The following PTPRD variants were observed in gnomAD, a reference collection of about 807,000 sequenced individuals.
The protein encoded by PTPRD is receptor-type tyrosine-protein phosphatase delta.
In PTPRD, 34 loss-of-function variants were observed where a neutral mutation model predicts 214.5. That is an observed-to-expected ratio of 0.16 (90% CI 0.12 to 0.21). The LOEUF is 0.21. Among genes scored for constraint, PTPRD ranks in the 10% least tolerant of loss-of-function variants. The pLI, the probability that PTPRD is intolerant of heterozygous loss-of-function variation, is 1.00. For missense variants in PTPRD, 2,545 were observed against 2,398.7 expected (o/e 1.06, Z -1.27); for synonymous variants, 1,128 against 845.7 (o/e 1.33, Z -5.79).
intron 9 of PTPRD, among the ~76,000 whole-genome samples, chr9:9,366,437 T>C (rs1010062549): frequency 1.8e-4 from 27 of 151,636 alleles, no homozygotes; most frequent in African/African-American, 5.5e-4. Flanking sequence ...GTAAATTTTA[T>C]TGAAGAGAAA....
Position 10,279,258 on chromosome 9 carries a change from A to G in PTPRD, c.-545+61705T>C, listed in dbSNP as rs544402028. 3.7e-4 allele frequency among the ~76,000 whole-genome samples: 56 copies of G among 152,302 alleles called. No homozygotes were observed. In the South Asian group the frequency reaches 9.5e-3, roughly 26 times the overall value. Reference sequence around the variant, plus strand: ...TATAGCAGAGCTTAACTGAAAAAATATTGAATGTAGAAAATGAGGAAAAAA... The same window carrying G: ...TATAGCAGAGCTTAACTGAAAAAATGTTGAATGTAGAAAATGAGGAAAAAA... On this transcript the variant is annotated intron_variant, in intron 3 of 45. Coordinates refer to ENST00000381196, the MANE Select transcript of PTPRD (RefSeq NM_002839.4).
chr9:10,316,791 G>A (rs572337471), intron 3 of PTPRD, among the ~76,000 whole-genome samples: 2 of 151,864 alleles, frequency 1.3e-5, no homozygotes, highest in South Asian at 2.1e-4. Flanking sequence ...TTTTAGCATT[G>A]CAGCCAGAAT....
intron 11 of PTPRD, among the ~76,000 whole-genome samples, chr9:8,927,451 A>G (rs973242992): frequency 1.3e-5 from 2 of 152,130 alleles, no homozygotes; most frequent in African/African-American, 4.8e-5. Context: ...GAGTGAGAAC[A>G]TGTGGTGTTT....
At chr9:9,476,726 ATTTTTAT>A (rs1402592064) in intron 8 of PTPRD, among the ~76,000 whole-genome samples, 13 of 152,120 alleles carry the variant, frequency 8.5e-5, no homozygotes, top group African/African-American at 2.6e-4. Flanking sequence ...CAAAGCACTG[ATTTTTAT>A]TTTTTATTTT....
chr9:10,586,669 A>G (rs1215245705), intron 2 of PTPRD, among the ~76,000 whole-genome samples: 1 of 152,134 alleles, frequency 6.6e-6, no homozygotes, highest in Admixed American at 6.5e-5. Flanking sequence ...AGCAATGACT[A>G]AAGTGCCGAG....
At chr9:8,648,868 C>T (rs773057558) in intron 12 of PTPRD, among the ~76,000 whole-genome samples, 3 of 152,328 alleles carry the variant, frequency 2.0e-5, no homozygotes, top group Middle Eastern at 3.4e-3. Context: ...GTTTTCAAAG[C>T]AGATTCATTT....
At chr9:9,956,184 C>A (rs1000769148) in intron 4 of PTPRD, among the ~76,000 whole-genome samples, 7 of 151,130 alleles carry the variant, frequency 4.6e-5, no homozygotes, top group African/African-American at 1.7e-4. Context: ...TTTTTCTTCC[C>A]ATCAAATTAT....
At chr9:8,449,908 G>A (rs1326248257) in intron 33 of PTPRD, 71 bp from the exon 34 acceptor site, 2 of 1,416,726 alleles carry the variant, frequency 1.4e-6, no homozygotes, top group Middle Eastern at 2.4e-4. Flanking sequence ...GCAGAGAATT[G>A]CACCTGCACT....
At chr9:8,351,660 T>C (rs1219579049) in intron 39 of PTPRD, among the ~76,000 whole-genome samples, 1 of 147,238 alleles carries the variant, frequency 6.8e-6, no homozygotes, top group Non-Finnish European at 1.5e-5. Flanking sequence ...TCCTGCCATC[T>C]GGTGCTGGCT....
At chr9:9,520,287 TTA>T (rs1219816693) in intron 8 of PTPRD, among the ~76,000 whole-genome samples, 7 of 76,030 alleles carry the variant, frequency 9.2e-5, no homozygotes, top group Admixed American at 6.6e-4. Flanking sequence ...ATATATTAAG[TTA>T]TATATATATA....
At chr9:10,447,329 C>T (rs545449667) in intron 2 of PTPRD, among the ~76,000 whole-genome samples, 5 of 152,038 alleles carry the variant, frequency 3.3e-5, no homozygotes, top group African/African-American at 4.8e-5. Flanking sequence ...AGGTTAACCA[C>T]GTCCTCTGTC....
chr9:10,432,098 T>C (rs960062208), intron 2 of PTPRD, among the ~76,000 whole-genome samples: 6 of 151,786 alleles, frequency 4.0e-5, no homozygotes, highest in African/African-American at 9.7e-5. Flanking sequence ...TGGAATACTA[T>C]GCAGCCATAA....
chr9:9,112,361 CT>C, intron 10 of PTPRD, among the ~76,000 whole-genome samples: 1 of 152,116 alleles, frequency 6.6e-6, no homozygotes, highest in East Asian at 1.9e-4. Context: ...TAATTTTCCC[CT>C]CCTCTCCAGC....
At chr9:8,854,455 T>C (rs1015482027) in intron 11 of PTPRD, among the ~76,000 whole-genome samples, 3 of 152,188 alleles carry the variant, frequency 2.0e-5, no homozygotes, top group Non-Finnish European at 4.4e-5. Context: ...CTTTTAAAAA[T>C]AGAATTGTCC....
chr9:9,611,155 T>C (rs1357745233), intron 7 of PTPRD, among the ~76,000 whole-genome samples: 1 of 152,212 alleles, frequency 6.6e-6, no homozygotes, highest in Non-Finnish European at 1.5e-5. Flanking sequence ...CTGTTGAATA[T>C]TTAGGTTGTC....
chr9:9,453,920 T>C (rs897384259), intron 8 of PTPRD, among the ~76,000 whole-genome samples: 7 of 151,732 alleles, frequency 4.6e-5, no homozygotes, highest in Admixed American at 1.3e-4. Flanking sequence ...TATATTACTC[T>C]ACATGAGATC....
chr9:9,208,239 C>G (rs531118327), intron 9 of PTPRD, among the ~76,000 whole-genome samples: 6 of 151,632 alleles, frequency 4.0e-5, no homozygotes, highest in Non-Finnish European at 8.8e-5. Flanking sequence ...TGGTCTCGAT[C>G]TCCTGACCTT....
At chr9:8,346,201 T>C (rs1458165310) in intron 39 of PTPRD, among the ~76,000 whole-genome samples, 2 of 47,750 alleles carry the variant, frequency 4.2e-5, no homozygotes, top group Non-Finnish European at 1.0e-4. Flanking sequence ...AATTGTTATG[T>C]ATTCAAACTC....
intron 8 of PTPRD, among the ~76,000 whole-genome samples, chr9:9,516,135 C>T (rs1446044123): frequency 6.6e-5 from 10 of 151,976 alleles, no homozygotes; most frequent in Non-Finnish European, 1.5e-5. Flanking sequence ...TTGATTTTTC[C>T]TCTCTGTCTT....
Sources: gnomAD v4.1 joint callset for allele counts (sites outside exome capture counted in the v4.1 genomes callset) on GRCh38, gnomAD v4.1.1 for gene constraint, MANE v1.5 for transcripts, NCBI Gene and HGNC (gene_info 2026-07-23, HGNC 2026-07-21) for gene names.